Variants in MAGI1 observed in about 807,000 individuals in gnomAD.
MAGI1 encodes the protein membrane-associated guanylate kinase, WW and PDZ domain-containing protein 1.
In MAGI1, 58 loss-of-function variants were observed where a neutral mutation model predicts 139.9. The ratio of observed to expected loss-of-function variants is 0.41; its 90% CI spans 0.34 to 0.52. The LOEUF (loss-of-function observed/expected upper bound fraction) is 0.52. Among genes scored for constraint, MAGI1 ranks in the 20% least tolerant of loss-of-function variants. The pLI, the probability that MAGI1 is intolerant of heterozygous loss-of-function variation, is 0.12. For missense variants in MAGI1, 1,874 were observed against 1,901.6 expected (o/e 0.99, Z 0.27); for synonymous variants, 812 against 737.9 (o/e 1.10, Z -1.63).
chr3:65,415,020 C>CAA (rs60234120), intron 12 of MAGI1, among the ~76,000 whole-genome samples: 1 of 122,114 alleles, frequency 8.2e-6, no homozygotes, highest in Non-Finnish European at 1.7e-5. Flanking sequence ...AAAAAAAAAA[C>CAA]AAAAAAAAAA....
chr3:66,015,046 C>G (rs765907305), intron 1 of MAGI1, among the ~76,000 whole-genome samples: 17 of 151,928 alleles, frequency 1.1e-4, no homozygotes, highest in Non-Finnish European at 2.4e-4. Flanking sequence ...TCCCCTCACC[C>G]AGCACCCTCT....
At chr3:65,544,430 T>C (rs1576267618) in intron 2 of MAGI1, among the ~76,000 whole-genome samples, 1 of 152,126 alleles carries the variant, frequency 6.6e-6, no homozygotes, top group African/African-American at 2.4e-5. Flanking sequence ...TTTGTGCATG[T>C]GTTGGGTAAT....
In MAGI1 at chr3:65,617,377, G is replaced by A. The variant is rs1012207157; in HGVS notation, c.430+4595C>T. Reference sequence around the variant, plus strand: ...AGAACTACTGGATGAGTTGTATCTCGTTTTGACAGCAGCAGTATAGTAAAT... The same window carrying A: ...AGAACTACTGGATGAGTTGTATCTCATTTTGACAGCAGCAGTATAGTAAAT... On this transcript the variant is annotated intron_variant, in intron 2 of 22. Transcript: ENST00000402939. 3.9e-5 allele frequency among the ~76,000 whole-genome samples: 6 copies of A among 152,326 alleles called. No homozygotes were observed. In the East Asian group the frequency reaches 5.8e-4, roughly 15 times the overall value.
intron 1 of MAGI1, among the ~76,000 whole-genome samples, chr3:65,891,086 A>T (rs774642683): frequency 4.0e-5 from 6 of 151,764 alleles, no homozygotes; most frequent in Non-Finnish European, 7.4e-5. Context: ...GGTGGCATGC[A>T]CCTGTAGTCC....
intron 1 of MAGI1, among the ~76,000 whole-genome samples, chr3:66,016,565 C>T (rs1371864191): frequency 6.6e-6 from 1 of 152,180 alleles, no homozygotes; most frequent in Non-Finnish European, 1.5e-5. Context: ...ATATGTGCCC[C>T]AGCACCGGAG....
chr3:65,375,129 G>T (rs904095867), intron 18 of MAGI1, among the ~76,000 whole-genome samples: 1 of 151,100 alleles, frequency 6.6e-6, no homozygotes, highest in Admixed American at 6.6e-5. Flanking sequence ...TTATAGTGTT[G>T]AAGACAAGGA....
At chr3:65,576,377 T>C (rs2081178030) in intron 2 of MAGI1, among the ~76,000 whole-genome samples, 3 of 152,188 alleles carry the variant, frequency 2.0e-5, no homozygotes, top group Admixed American at 1.3e-4. Context: ...TGGTGATCCT[T>C]GTCAATCCTA....
chr3:65,765,737 T>TC lies in MAGI1; in HGVS notation c.314-143650dup, dbSNP rs369786955. Among the ~76,000 whole-genome samples the TC allele has an allele frequency of 4.7e-4, 71 of 152,302 alleles. 2 individuals carry two copies. Among genetic ancestry groups the TC allele is most frequent in the African/African-American group, 1.7e-3 (70 of 41,562 alleles). On this transcript the variant is annotated intron_variant, in intron 1 of 22. Transcript: ENST00000402939. Reference sequence around the variant, plus strand: ...TGGCTGGGGAATGCTAGTGATTCCTTCCCCATGAAATCTACTGATATTTCC... The same window carrying TC: ...TGGCTGGGGAATGCTAGTGATTCCTTCCCCCATGAAATCTACTGATATTTCC...
intron 14 of MAGI1, among the ~76,000 whole-genome samples, chr3:65,389,654 C>A (rs2106972191): frequency 6.6e-6 from 1 of 152,278 alleles, no homozygotes; most frequent in African/African-American, 2.4e-5. Flanking sequence ...GAACCTGGTT[C>A]CTGGTTAGCA....
chr3:65,962,567 G>A (rs1305402239), intron 1 of MAGI1, among the ~76,000 whole-genome samples: 1 of 151,964 alleles, frequency 6.6e-6, no homozygotes. Context: ...AGGCGAGGTG[G>A]TTCACGTCTG....
intron 1 of MAGI1, among the ~76,000 whole-genome samples, chr3:66,017,647 A>G (rs1229770486): frequency 6.6e-6 from 1 of 152,174 alleles, no homozygotes; most frequent in Non-Finnish European, 1.5e-5. Context: ...CACACACTTC[A>G]CAGCACGTGC....
At chr3:65,366,054 G>T (rs967607022) in intron 18 of MAGI1, among the ~76,000 whole-genome samples, 1 of 152,120 alleles carries the variant, frequency 6.6e-6, no homozygotes, top group African/African-American at 2.4e-5. Flanking sequence ...TTGAGATTCA[G>T]ACCTGGGATC....
intron 1 of MAGI1, among the ~76,000 whole-genome samples, chr3:65,796,278 G>C (rs1182522359): frequency 6.6e-6 from 1 of 152,114 alleles, no homozygotes; most frequent in Non-Finnish European, 1.5e-5. Context: ...GCTTTCAACT[G>C]ATTTGATTGA....
chr3:65,678,459 G>A (rs1302365248), intron 1 of MAGI1, among the ~76,000 whole-genome samples: 3 of 152,030 alleles, frequency 2.0e-5, no homozygotes, highest in Non-Finnish European at 4.4e-5. Context: ...AAGCTTTGTT[G>A]CTAACAAAAC....
intron 10 of MAGI1, among the ~76,000 whole-genome samples, chr3:65,431,250 G>C (rs1947431052): frequency 6.6e-6 from 1 of 152,102 alleles, no homozygotes; most frequent in Admixed American, 6.6e-5. Context: ...CTTTTGTTTT[G>C]TTTTAATTTT....
intron 2 of MAGI1, among the ~76,000 whole-genome samples, chr3:65,616,213 GAA>G (rs2106992253): frequency 8.9e-5 from 3 of 33,594 alleles, no homozygotes; most frequent in African/African-American, 4.2e-4. Context: ...TTTCAATGGA[GAA>G]GGACAGGTGT....
At chr3:65,976,847 T>C (rs767860241) in intron 1 of MAGI1, among the ~76,000 whole-genome samples, 1 of 152,180 alleles carries the variant, frequency 6.6e-6, no homozygotes, top group African/African-American at 2.4e-5. Flanking sequence ...AGAAGCTTTA[T>C]TACCTGCCCT....
At chr3:65,768,540 C>T (rs2037683666) in intron 1 of MAGI1, among the ~76,000 whole-genome samples, 1 of 152,066 alleles carries the variant, frequency 6.6e-6, no homozygotes, top group South Asian at 2.1e-4. Context: ...CACTAAAGTA[C>T]CAAAAATAAG....
In MAGI1 at chr3:66,013,024, G is replaced by A. The variant is rs1167422695; in HGVS notation, c.313+24972C>T. 4.6e-5 allele frequency among the ~76,000 whole-genome samples: 7 copies of A among 152,170 alleles called. No individual in the cohort carries two copies. In the South Asian group the frequency reaches 6.2e-4, roughly 13 times the overall value. ...ATTTAATCATTTTAACTCCTATTGT[G>A]TCTAAATTTATGTTTGAGGAACCCA... On this transcript the variant is annotated intron_variant, in intron 1 of 22. Coordinates refer to ENST00000402939, the MANE Select transcript of MAGI1 (RefSeq NM_001033057.2).
Sources: gnomAD v4.1 joint callset for allele counts (sites outside exome capture counted in the v4.1 genomes callset) on GRCh38, gnomAD v4.1.1 for gene constraint, MANE v1.5 for transcripts, NCBI Gene and HGNC (gene_info 2026-07-23, HGNC 2026-07-21) for gene names.